CILP: variants seen among roughly 807,000 people sequenced by gnomAD.
The protein encoded by CILP is cartilage intermediate layer protein.
In CILP, 75 loss-of-function variants were observed where a neutral mutation model predicts 82.5. The ratio of observed to expected loss-of-function variants is 0.91; its 90% CI spans 0.75 to 1.10. The LOEUF is 1.10. Ranked by LOEUF, CILP falls within the 50% of genes least tolerant of loss-of-function variation. The pLI, the probability that CILP is intolerant of heterozygous loss-of-function variation, is 0.00. For missense variants in CILP, 1,479 were observed against 1,530.8 expected, an observed-to-expected ratio of 0.97 and a Z score of 0.56; for synonymous variants, 530 against 580.3, an observed-to-expected ratio of 0.91 and a Z score of 1.25.
Position 65,198,541 on chromosome 15 carries a change from A to T in CILP, c.1745T>A (p.Met582Lys). The change falls in exon 9 of 9, where the codon ATG (methionine) becomes AAG (lysine). Residue 582 changes from methionine to lysine, a missense_variant. Transcript: ENST00000261883. ...RRKKPITLEA[M>K]ETNIIPLGEV... ...CCCCAGGGGGATGATGTTGGTCTCC[A>T]TGGCTTCCAAAGTGATGGGCTTTTT... 5 of 1,614,206 alleles carry T rather than the reference A, an allele frequency of 3.1e-6. No individual in the cohort carries two copies. Among genetic ancestry groups the T allele is most frequent in the Non-Finnish European group, 4.2e-6 (5 of 1,180,010 alleles).
Position 65,204,588 on chromosome 15 carries a change from G to A in CILP, c.605-6C>T, listed in dbSNP as rs1490406306. 2 of 1,585,640 alleles carry A rather than the reference G, an allele frequency of 1.3e-6. No homozygotes were observed. The highest frequency in any genetic ancestry group is 2.7e-5 in the African/African-American group (2 of 73,182). ...TGGGCAGGTCAGGTCACAGGCTGTG[G>A]AACAAGGGGCCATATCAGCAGGGAT... On this transcript the variant is annotated splice_polypyrimidine_tract_variant and splice_region_variant and intron_variant, in intron 5 of 8. Coordinates refer to ENST00000261883, the MANE Select transcript of CILP (RefSeq NM_003613.4).
chr15:65,205,532 C>T, intron 4 of CILP, 66 bp from the exon 5 acceptor site: 3 of 1,444,822 alleles, frequency 2.1e-6, no homozygotes, highest in South Asian at 1.4e-5. Context: ...GAAATCTGAC[C>T]CTGAGGCTGT....
At position 65,195,869 on chromosome 15, in the gene CILP, G is replaced by C. The variant is rs2140668434; in HGVS notation, c.*862C>G. 1 of 152,382 alleles carries C rather than the reference G, an allele frequency of 6.6e-6. No individual in the cohort carries two copies. Among genetic ancestry groups the C allele is most frequent in the South Asian group, 2.1e-4 (1 of 4,826 alleles). 9.4% of individuals were successfully genotyped at this position (152,382 alleles called of 1,614,324 possible). On this transcript the variant is annotated 3_prime_UTR_variant, in exon 9 of 9. Coordinates refer to ENST00000261883, the MANE Select transcript of CILP (RefSeq NM_003613.4). ...CATGAGAACAAATTTGACTGCTGGA[G>C]TGTGTGCCTATGTTGCCCTGCCCTG...
rs758470105 is a variant in CILP, at chr15:65,201,888, G to C, written c.1170C>G (p.Ala390=). The part of the protein sequence containing the change: ...SDAGAVKSKV[A]QLIVIASDET... ...CAGGCTTACCTATGACAATCAGCTG[G>C]GCAACCTTGGACTTCACAGCCCCAG... Residue 390 remains alanine (A), a synonymous_variant, in exon 8 of 9, where the codon GCC becomes GCG. Coordinates refer to ENST00000261883, the MANE Select transcript of CILP (RefSeq NM_003613.4). 9.0e-6 allele frequency: 14 copies of C among 1,560,300 alleles called. No homozygotes were observed. Among genetic ancestry groups the C allele is most frequent in the African/African-American group, 1.4e-5 (1 of 72,254 alleles).
At chr15:65,199,138 T>C in intron 8 of CILP, 39 bp from the exon 9 acceptor site, 7 of 1,441,850 alleles carry the variant, frequency 4.9e-6, no homozygotes, top group Non-Finnish European at 6.6e-6. Context: ...GATGTAAGTT[T>C]ACATCCTACA....
intron 8 of CILP, among the ~76,000 whole-genome samples, chr15:65,200,404 A>G (rs1009181486): frequency 2.6e-5 from 4 of 152,008 alleles, no homozygotes; most frequent in African/African-American, 9.7e-5. Context: ...CAACTTTTTA[A>G]GAGTCTAAAG....
rs147805917 is a variant in CILP, at chr15:65,198,344, C to T, written c.1942G>A (p.Glu648Lys). The change falls in exon 9 of 9, where the codon GAA (glutamate) becomes AAA (lysine). Residue 648 changes from glutamate to lysine, a missense_variant. Transcript: ENST00000261883. ...AQTDLNFIND[E>K]GDTFPLRTYG... ...GTCCGAAGGGGGAAAGTGTCTCCTT[C>T]GTCATTGATGAAGTTCAGGTCAGTC... is the stretch of plus-strand genomic sequence containing the variant. 5.5e-4 allele frequency: 895 copies of T among 1,614,078 alleles called. No homozygotes were observed. Among genetic ancestry groups the T allele is most frequent in the Non-Finnish European group, 6.8e-4 (804 of 1,180,050 alleles).
chr15:65,208,361 A>G (rs1264596884), intron 2 of CILP, among the ~76,000 whole-genome samples: 2 of 152,150 alleles, frequency 1.3e-5, no homozygotes, highest in Non-Finnish European at 2.9e-5. Context: ...AGCTGACCCC[A>G]TGTTCTTTCA....
At position 65,198,867 on chromosome 15, in the gene CILP, G is replaced by A; in HGVS notation, c.1419C>T (p.Pro473=). The A allele has an allele frequency of 5.6e-6, 9 of 1,614,084 alleles. No individual in the cohort carries two copies. The highest frequency in any genetic ancestry group is 7.6e-6 in the Non-Finnish European group (9 of 1,180,046). ...AGCTGCACTCCTTGGCCACCTTGGT[G>A]GGTAGCGTGTAGCCACTGCACTGGA... ...REIQCSGYTL[P]TKVAKECSCQ... The change falls in exon 9 of 9, where the codon CCC becomes CCT. Residue 473 remains proline, a synonymous_variant. Coordinates refer to ENST00000261883, the MANE Select transcript of CILP (RefSeq NM_003613.4).
At chr15:65,209,966 G>A in intron 1 of CILP, 105 bp from the exon 2 acceptor site, 1 of 539,936 alleles carries the variant, frequency 1.9e-6, no homozygotes, top group South Asian at 2.2e-5. Context: ...TGGACAGAAT[G>A]ATATGAAAGT....
intron 7 of CILP, 90 bp downstream of exon 7, chr15:65,203,272 T>A: frequency 1.2e-6 from 1 of 830,270 alleles, no homozygotes; most frequent in Admixed American, 2.0e-5. Context: ...ATTCTGTTGG[T>A]TATTGTTCTT....
Position 65,205,401 on chromosome 15 carries a change from C to G in CILP, c.490G>C (p.Ala164Pro). The G allele has an allele frequency of 5.0e-6, 8 of 1,614,076 alleles. No individual in the cohort carries two copies. The highest frequency in any genetic ancestry group is 6.8e-6 in the Non-Finnish European group (8 of 1,180,030). Residue 164 changes from alanine to proline, a missense_variant, in exon 5 of 9, where the codon GCC (alanine) becomes CCC (proline). Physicochemically the swap from Ala to Pro is conservative, Grantham distance 27 (BLOSUM62 -1). Transcript: ENST00000261883. ...PWSPWSKCSA[A>P]CGQTGVQTRT... is the part of the protein sequence containing the mutation. The stretch of plus-strand genomic sequence containing the variant: ...GTCTGGACCCCAGTCTGACCACAGG[C>G]AGCTGAGCACTTGCTCCAGGGAGAC...
chr15:65,204,394 G>T lies in CILP; in HGVS notation c.793C>A (p.Pro265Thr), dbSNP rs569986336. 36 of 1,614,170 alleles carry T rather than the reference G, an allele frequency of 2.2e-5. No individual in the cohort carries two copies. In the African/African-American group the frequency reaches 4.7e-4, roughly 21 times the overall value. ...QTDSDGRFRIPGLCPDGKSIL... is the reference protein window; with the variant it reads ...QTDSDGRFRITGLCPDGKSIL... ...CTTTTGCCATCAGGGCACAAGCCAG[G>T]GATTCGGAATCTCCCATCACTGTCT... is the stretch of plus-strand genomic sequence containing the variant. The change falls in exon 6 of 9, where the codon CCT (proline) becomes ACT (threonine). Residue 265 changes from proline to threonine, a missense_variant. Pro to Thr is a conservative substitution (Grantham distance 38, BLOSUM62 -1). Coordinates refer to ENST00000261883, the MANE Select transcript of CILP (RefSeq NM_003613.4).
In CILP at chr15:65,197,224, T is replaced by C. The variant is rs1387019454; in HGVS notation, c.3062A>G (p.Asp1021Gly). ...SGMLYDQDRV[D>G]RTLVKVIPQG... is the part of the protein sequence containing the mutation. The stretch of plus-strand genomic sequence containing the variant: ...GGGGATGACCTTCACCAGGGTGCGG[T>C]CCACACGGTCCTGATCATAGAGCAT... Residue 1021 changes from aspartate to glycine, a missense_variant, in exon 9 of 9, where the codon GAC (aspartate) becomes GGC (glycine). Physicochemically the swap from Asp to Gly is moderately conservative, Grantham distance 94. Transcript: ENST00000261883. 1.2e-6 allele frequency: 2 copies of C among 1,613,932 alleles called. No individual in the cohort carries two copies. Among genetic ancestry groups the C allele is most frequent in the African/African-American group, 2.7e-5 (2 of 74,914 alleles).
Position 65,197,379 on chromosome 15 carries a change from T to A in CILP, c.2907A>T (p.Arg969=). The A allele has an allele frequency of 1.2e-6, 2 of 1,614,220 alleles. No homozygotes were observed. Among genetic ancestry groups the A allele is most frequent in the East Asian group, 4.5e-5 (2 of 44,882 alleles). ...KIVGPLEVNV[R]SRNMGGTHRQ... is the part of the protein sequence containing the mutation. ...GATGAGTGCCCCCCATGTTGCGGGATCGCACATTCACTTCCAGTGGCCCCA... is the reference window on the plus strand; with the variant it reads ...GATGAGTGCCCCCCATGTTGCGGGAACGCACATTCACTTCCAGTGGCCCCA... Residue 969 remains arginine, a synonymous_variant, in exon 9 of 9, where the codon CGA becomes CGT. Coordinates refer to ENST00000261883, the MANE Select transcript of CILP (RefSeq NM_003613.4).
intron 1 of CILP, among the ~76,000 whole-genome samples, chr15:65,211,021 C>G (rs965880540): frequency 6.6e-6 from 1 of 152,240 alleles, no homozygotes; most frequent in Non-Finnish European, 1.5e-5. Flanking sequence ...TGTGGAAAAA[C>G]CATTTCCCAT....
chr15:65,208,215 G>A (rs111999587), intron 2 of CILP, among the ~76,000 whole-genome samples: 204 of 152,230 alleles, frequency 1.3e-3, no homozygotes, highest in African/African-American at 4.6e-3. Context: ...TTCCCATCTC[G>A]CAGGGTGATT....
In CILP at chr15:65,209,558, G is replaced by A. The variant is rs148906032; in HGVS notation, c.61+137C>T. The A allele has an allele frequency of 4.8e-4, 338 of 702,688 alleles. 1 individual carries two copies. The East Asian group carries it at 7.4e-3, about 15-fold the overall frequency. 43.5% of individuals were successfully genotyped at this position (702,688 alleles called of 1,614,324 possible). On this transcript the variant is annotated intron_variant, in intron 2 of 8. Transcript: ENST00000261883. Reference sequence around the variant, plus strand: ...GAAAAACAAACAGGGTATAAATTACGAATAAATCCATAAAGTGGCCTCAGG... The same window carrying A: ...GAAAAACAAACAGGGTATAAATTACAAATAAATCCATAAAGTGGCCTCAGG...
chr15:65,202,250 G>A (rs1220357459), intron 7 of CILP, among the ~76,000 whole-genome samples: 1 of 152,108 alleles, frequency 6.6e-6, no homozygotes, highest in Non-Finnish European at 1.5e-5. Context: ...GGGGATGCTT[G>A]GACAACCTCC....
Sources: gnomAD v4.1 joint callset for allele counts (sites outside exome capture counted in the v4.1 genomes callset) on GRCh38, gnomAD v4.1.1 for gene constraint, MANE v1.5 for transcripts, NCBI Gene and HGNC (gene_info 2026-07-23, HGNC 2026-07-21) for gene names.